CTNNA3: variants seen among roughly 807,000 people sequenced by gnomAD.
The protein encoded by CTNNA3 is catenin alpha-3.
Under a neutral mutation model 95.7 loss-of-function variants are expected in CTNNA3, and 76 were observed. The observed-to-expected ratio is 0.79, with a 90% CI of 0.66 to 0.96. CTNNA3 has a LOEUF of 0.96. CTNNA3 is among the 40% of genes least tolerant of loss of function. The pLI is 0.00. For missense variants in CTNNA3, 1,191 were observed against 1,089.8 expected, an observed-to-expected ratio of 1.09 and a Z score of -1.31; for synonymous variants, 431 against 374.4, an observed-to-expected ratio of 1.15 and a Z score of -1.74.
chr10:67,019,048 AATGAATAC>A (rs1301464673), intron 7 of CTNNA3, among the ~76,000 whole-genome samples: 5 of 152,182 alleles, frequency 3.3e-5, no homozygotes, highest in African/African-American at 9.7e-5. Context: ...TTACATATCT[AATGAATAC>A]AGTGCCTGCA....
rs1840668895 is a variant in CTNNA3 at position 67,308,912 on chromosome 10, G to A, written c.580-89042C>T. Among the ~76,000 whole-genome samples, 5 of 152,004 alleles carry A rather than the reference G, an allele frequency of 3.3e-5. No homozygotes were observed. The South Asian group carries it at 1.0e-3, about 32-fold the overall frequency. The stretch of plus-strand genomic sequence containing the variant: ...TCAAAACTTTTTTTTTCCTATTAGT[G>A]AATTTTAATTCTCAAAAAGTTTACT... On this transcript the variant is annotated intron_variant, in intron 5 of 17. Coordinates refer to ENST00000433211, the MANE Select transcript of CTNNA3 (RefSeq NM_013266.4).
At chr10:67,582,077 T>C (rs1842423405) in intron 3 of CTNNA3, among the ~76,000 whole-genome samples, 1 of 149,932 alleles carries the variant, frequency 6.7e-6, no homozygotes, top group African/African-American at 2.5e-5. Context: ...TGCTCTGATC[T>C]TAGTTATTTC....
At chr10:66,976,127 TCCTG>T (rs1295931745) in intron 7 of CTNNA3, among the ~76,000 whole-genome samples, 2 of 152,194 alleles carry the variant, frequency 1.3e-5, no homozygotes, top group East Asian at 3.9e-4. Flanking sequence ...CAAACATTGT[TCCTG>T]CCTTTGTAAA....
At chr10:67,623,438 G>A (rs1235661407) in intron 2 of CTNNA3, among the ~76,000 whole-genome samples, 4 of 152,096 alleles carry the variant, frequency 2.6e-5, no homozygotes, top group South Asian at 4.1e-4. Context: ...GTCAAGGAGA[G>A]TAGAAAGGAA....
chr10:67,703,091 T>C (rs149283177), intron 1 of CTNNA3, among the ~76,000 whole-genome samples: 6,569 of 152,174 alleles, frequency 0.043, 201 homozygotes, highest in African/African-American at 0.091. Flanking sequence ...AGTTGAATCT[T>C]TGAATAGACC....
chr10:66,124,610 A>T (rs2082729686), intron 13 of CTNNA3, among the ~76,000 whole-genome samples: 1 of 152,212 alleles, frequency 6.6e-6, no homozygotes, highest in South Asian at 2.1e-4. Flanking sequence ...GAAATACTTG[A>T]GATGGGGCAA....
chr10:66,867,527 T>G (rs1465403598), intron 7 of CTNNA3, among the ~76,000 whole-genome samples: 3 of 152,192 alleles, frequency 2.0e-5, no homozygotes, highest in Non-Finnish European at 4.4e-5. Context: ...TCTGTGTTAT[T>G]TTTATGGAGT....
chr10:66,806,542 T>C (rs1225260960), intron 7 of CTNNA3, among the ~76,000 whole-genome samples: 1 of 151,986 alleles, frequency 6.6e-6, no homozygotes, highest in African/African-American at 2.4e-5. Flanking sequence ...CAAAGTTTTA[T>C]TTTATAAGGA....
At chr10:66,068,732 G>A (rs1237008096) in intron 15 of CTNNA3, among the ~76,000 whole-genome samples, 1 of 152,094 alleles carries the variant, frequency 6.6e-6, no homozygotes, top group East Asian at 1.9e-4. Flanking sequence ...TAGTAGGGCA[G>A]CCACTATATA....
chr10:67,533,584 C>G (rs1840402387), intron 4 of CTNNA3, among the ~76,000 whole-genome samples: 1 of 152,024 alleles, frequency 6.6e-6, no homozygotes, highest in East Asian at 1.9e-4. Context: ...CTGTTTTTCC[C>G]CAAAAGAACA....
At chr10:66,035,700 T>C (rs1336562849) in intron 15 of CTNNA3, among the ~76,000 whole-genome samples, 5 of 152,108 alleles carry the variant, frequency 3.3e-5, no homozygotes, top group Admixed American at 3.3e-4. Flanking sequence ...TGGGGGGGTT[T>C]CTTGGCAACA....
chr10:66,669,342 G>C (rs922597185), intron 9 of CTNNA3, among the ~76,000 whole-genome samples: 1 of 151,896 alleles, frequency 6.6e-6, no homozygotes, highest in Non-Finnish European at 1.5e-5. Context: ...TCAGGAGTTC[G>C]AGACCATCCT....
At chr10:66,375,640 T>C in intron 12 of CTNNA3, among the ~76,000 whole-genome samples, 1 of 151,904 alleles carries the variant, frequency 6.6e-6, no homozygotes, top group East Asian at 1.9e-4. Flanking sequence ...GATATGTATA[T>C]GTAAACCATA....
At chr10:66,775,358 C>A (rs1478495204) in intron 8 of CTNNA3, 86 bp downstream of exon 8, 6 of 906,558 alleles carry the variant, frequency 6.6e-6, no homozygotes, top group South Asian at 5.0e-5. Flanking sequence ...TTGAAAGGAA[C>A]AAAACAAGAA....
At chr10:67,424,573 G>C (rs1845850652) in intron 5 of CTNNA3, among the ~76,000 whole-genome samples, 1 of 151,748 alleles carries the variant, frequency 6.6e-6, no homozygotes, top group African/African-American at 2.4e-5. Flanking sequence ...ATTTGCTAAG[G>C]CTTCAAGGTA....
intron 2 of CTNNA3, among the ~76,000 whole-genome samples, chr10:67,620,948 TATAC>T (rs1418002387): frequency 2.1e-5 from 3 of 142,852 alleles, no homozygotes; most frequent in African/African-American, 7.9e-5. Context: ...TATATATATA[TATAC>T]AGAAATGTGG....
chr10:67,382,852 G>C (rs539546511), intron 5 of CTNNA3, among the ~76,000 whole-genome samples: 3 of 152,204 alleles, frequency 2.0e-5, no homozygotes, highest in East Asian at 1.9e-4. Context: ...GGGGTGCCAG[G>C]CTTTCTTAAA....
At chr10:66,773,876 T>C (rs1840191659) in intron 8 of CTNNA3, among the ~76,000 whole-genome samples, 1 of 152,188 alleles carries the variant, frequency 6.6e-6, no homozygotes, top group Admixed American at 6.5e-5. Flanking sequence ...GATTGCAATA[T>C]AAAATACAAG....
intron 3 of CTNNA3, among the ~76,000 whole-genome samples, chr10:67,559,260 C>G (rs1207307213): frequency 1.3e-5 from 2 of 152,196 alleles, no homozygotes; most frequent in Non-Finnish European, 2.9e-5. Context: ...AGACTGACAC[C>G]TCACACGGCT....
Sources: gnomAD v4.1 joint callset for allele counts (sites outside exome capture counted in the v4.1 genomes callset) on GRCh38, gnomAD v4.1.1 for gene constraint, MANE v1.5 for transcripts, NCBI Gene and HGNC (gene_info 2026-07-23, HGNC 2026-07-21) for gene names.